ST7: variants seen among roughly 807,000 people sequenced by gnomAD.
The protein encoded by ST7 is suppression of tumorigenicity 7.
Under a neutral mutation model 78.7 loss-of-function variants are expected in ST7, and 28 were observed. The observed-to-expected ratio is 0.36, with a 90% confidence interval of 0.26 to 0.49. The LOEUF (loss-of-function observed/expected upper bound fraction) is 0.49. Among genes scored for constraint, ST7 ranks in the 20% least tolerant of loss-of-function variants. The probability of loss-of-function intolerance (pLI) is 0.99; values close to 1 mark genes in which losing one functional copy is unlikely to be tolerated. For missense variants in ST7, 418 were observed against 696.0 expected (o/e 0.60, Z 4.49); for synonymous variants, 247 against 249.6 (o/e 0.99, Z 0.10).
At chr7:117,098,073 T>G (rs992762752) in intron 1 of ST7, among the ~76,000 whole-genome samples, 1 of 150,972 alleles carries the variant, frequency 6.6e-6, no homozygotes, top group African/African-American at 2.4e-5. Flanking sequence ...ACTGAACACA[T>G]TGTGTTAGTC....
At chr7:117,169,426 A>G (rs559493659) in intron 9 of ST7, among the ~76,000 whole-genome samples, 2 of 152,202 alleles carry the variant, frequency 1.3e-5, no homozygotes, top group South Asian at 4.2e-4. Context: ...ATGAGCCACT[A>G]TGCCTGGCCA....
chr7:117,208,589 C>T (rs1446410632), intron 12 of ST7, among the ~76,000 whole-genome samples: 2 of 152,112 alleles, frequency 1.3e-5, no homozygotes, highest in East Asian at 3.9e-4. Context: ...GGAGAGGAAG[C>T]TTAAGGGCAA....
intron 1 of ST7, among the ~76,000 whole-genome samples, chr7:117,021,649 G>A (rs1052997259): frequency 6.6e-6 from 1 of 152,256 alleles, no homozygotes; most frequent in South Asian, 2.1e-4. Flanking sequence ...GTAGCATTTC[G>A]AGAGAGCTAA....
rs1490062797 is a variant in ST7, at chr7:117,015,412, T to G, written c.151+61721T>G. On this transcript the variant is annotated intron_variant, in intron 1 of 15. Coordinates refer to ENST00000323984, the MANE Select transcript of ST7 (RefSeq NM_001369598.1). ...TTCTGTTATTGTGGTGGTGGTTTTG[T>G]GCTTGTGTATTGCTCTTTTAGATGG... Among the ~76,000 whole-genome samples the G allele has an allele frequency of 2.0e-5, 3 of 152,236 alleles. No individual in the cohort carries two copies. In the East Asian group the frequency reaches 5.8e-4, roughly 29 times the overall value.
chr7:117,189,367 G>C lies in ST7; in HGVS notation c.1125G>C (p.Leu375Phe). The C allele has an allele frequency of 6.2e-7, 1 of 1,607,568 alleles. No homozygotes were observed. The highest frequency in any genetic ancestry group is 8.5e-7 in the Non-Finnish European group (1 of 1,176,514). Reference protein sequence around the residue: ...KSATICYTAALLKARAVSDKF... With the variant: ...KSATICYTAAFLKARAVSDKF... ...CAACAATATGCTACACAGCTGCTTT[G>C]CTCAAAGCAAGAGCTGTCTCTGACA... Residue 375 changes from leucine to phenylalanine, a missense_variant, in exon 11 of 16, where the codon TTG becomes TTC. By Grantham distance (22) the Leu-to-Phe change is conservative. This residue lies in a region of ST7 where 288 missense variants were observed against 537.1 expected (regional missense o/e 0.54). Coordinates refer to ENST00000323984, the MANE Select transcript of ST7 (RefSeq NM_001369598.1).
At chr7:117,166,541 C>T (rs1408469588) in intron 9 of ST7, among the ~76,000 whole-genome samples, 3 of 151,588 alleles carry the variant, frequency 2.0e-5, no homozygotes, top group South Asian at 2.1e-4. Flanking sequence ...GGATAAATCT[C>T]GTCATGTCCG....
chr7:117,097,213 T>C (rs898883281), intron 1 of ST7, among the ~76,000 whole-genome samples: 1 of 152,192 alleles, frequency 6.6e-6, no homozygotes. Context: ...TTTTCCTCTA[T>C]TTTAGAAATG....
intron 8 of ST7, chr7:117,137,287 TAA>T (rs1395500410): frequency 6.6e-6 from 1 of 152,148 alleles, no homozygotes; most frequent in East Asian, 1.9e-4. Context: ...CATCAATTCC[TAA>T]GTTTTTATTT....
intron 1 of ST7, among the ~76,000 whole-genome samples, chr7:117,004,316 C>T (rs568131089): frequency 6.6e-6 from 1 of 152,260 alleles, no homozygotes; most frequent in South Asian, 2.1e-4. Context: ...ATCCACTTGG[C>T]TCTGAATTGT....
At chr7:117,150,301 T>C (rs756232967) in intron 9 of ST7, among the ~76,000 whole-genome samples, 19 of 152,194 alleles carry the variant, frequency 1.2e-4, no homozygotes, top group Non-Finnish European at 2.1e-4. Flanking sequence ...CCTGAAAGTA[T>C]TTTAGGAGGT....
chr7:116,991,569 T>C (rs1794430633), intron 1 of ST7, among the ~76,000 whole-genome samples: 1 of 152,034 alleles, frequency 6.6e-6, no homozygotes, highest in Non-Finnish European at 1.5e-5. Context: ...ATTCAAATTA[T>C]CTCCTACTGA....
At chr7:117,069,992 C>T (rs1798843156) in intron 1 of ST7, among the ~76,000 whole-genome samples, 1 of 152,224 alleles carries the variant, frequency 6.6e-6, no homozygotes, top group African/African-American at 2.4e-5. Flanking sequence ...ATTTTCTAAT[C>T]ACCAAATGAA....
intron 3 of ST7, 69 bp downstream of exon 3, chr7:117,119,789 T>A: frequency 6.6e-7 from 1 of 1,514,288 alleles, no homozygotes; most frequent in South Asian, 1.2e-5. Flanking sequence ...TTACTCATAC[T>A]AAGAGATTAA....
chr7:117,087,485 T>A (rs1326724014), intron 1 of ST7, among the ~76,000 whole-genome samples: 1 of 152,176 alleles, frequency 6.6e-6, no homozygotes, highest in Non-Finnish European at 1.5e-5. Context: ...CATACATACA[T>A]CTTTAAAAGT....
chr7:117,222,989 C>T (rs755138211), intron 15 of ST7: 2 of 1,568,906 alleles, frequency 1.3e-6, no homozygotes, highest in South Asian at 2.2e-5. Context: ...GAACTCATCA[C>T]CCCTCTTCCC....
intron 1 of ST7, among the ~76,000 whole-genome samples, chr7:117,034,718 G>A (rs983460692): frequency 1.3e-5 from 2 of 151,906 alleles, no homozygotes; most frequent in Non-Finnish European, 1.5e-5. Context: ...TTTTTAAAAA[G>A]CTTTATGATA....
chr7:117,012,006 A>G (rs1203960482), intron 1 of ST7, among the ~76,000 whole-genome samples: 1 of 152,112 alleles, frequency 6.6e-6, no homozygotes, highest in African/African-American at 2.4e-5. Context: ...GTAGAGTGGG[A>G]TTTAGTGGTT....
chr7:117,087,421 A>G (rs953131574), intron 1 of ST7, among the ~76,000 whole-genome samples: 8 of 152,224 alleles, frequency 5.3e-5, no homozygotes, highest in Non-Finnish European at 1.2e-4. Flanking sequence ...TTTTTCTTAA[A>G]GGCATATATA....
intron 9 of ST7, among the ~76,000 whole-genome samples, chr7:117,168,401 G>C (rs1807728799): frequency 6.6e-6 from 1 of 152,100 alleles, no homozygotes; most frequent in South Asian, 2.1e-4. Context: ...TGAAGAATTG[G>C]CTGAAAACAA....
Sources: gnomAD v4.1 joint callset for allele counts (sites outside exome capture counted in the v4.1 genomes callset) on GRCh38, gnomAD v4.1.1 for gene constraint, gnomAD v4.1.1 regional missense constraint, MANE v1.5 for transcripts, NCBI Gene and HGNC (gene_info 2026-07-23, HGNC 2026-07-21) for gene names.